Variants in NOS2 observed in about 807,000 individuals in gnomAD.
The protein encoded by NOS2 is nitric oxide synthase, inducible.
A neutral mutation model predicts 136.0 loss-of-function variants in NOS2; 96 were observed. The ratio of observed to expected loss-of-function variants is 0.71; its 90% CI spans 0.60 to 0.84. NOS2 has a LOEUF of 0.84. Among genes scored for constraint, NOS2 ranks in the 40% least tolerant of loss-of-function variants. NOS2 has a pLI of 0.00. For synonymous variants in NOS2, 539 were observed against 587.5 expected (o/e 0.92, Z 1.20); for missense variants, 1,237 against 1,496.9 (o/e 0.83, Z 2.87).
At chr17:27,797,398 G>A (rs1909385568) in intron 2 of NOS2, among the ~76,000 whole-genome samples, 1 of 152,222 alleles carries the variant, frequency 6.6e-6, no homozygotes, top group South Asian at 2.1e-4. Context: ...TCCAACTCCA[G>A]GAAATCACCA....
At chr17:27,798,199 T>C (rs1209200308) in intron 2 of NOS2, among the ~76,000 whole-genome samples, 1 of 152,176 alleles carries the variant, frequency 6.6e-6, no homozygotes, top group Admixed American at 6.5e-5. Flanking sequence ...GAGGTTAACT[T>C]ACCCTGCGTC....
chr17:27,775,572 A>G (rs28942968), intron 11 of NOS2, among the ~76,000 whole-genome samples: 3,877 of 152,316 alleles, frequency 0.025, 65 homozygotes, highest in Middle Eastern at 0.065. Context: ...ACTGCACTCC[A>G]GCCTGGGTGA....
chr17:27,768,038 C>T (rs1908365244), intron 17 of NOS2, among the ~76,000 whole-genome samples: 1 of 152,172 alleles, frequency 6.6e-6, no homozygotes, highest in Non-Finnish European at 1.5e-5. Flanking sequence ...GCTATTGCTA[C>T]TATTATAAAT....
At position 27,759,060 on chromosome 17, in the gene NOS2, T is replaced by C. The variant is rs769452096; in HGVS notation, c.3175A>G (p.Ile1059Val). The C allele has an allele frequency of 3.1e-6, 5 of 1,601,284 alleles. No homozygotes were observed. The highest frequency in any genetic ancestry group is 1.7e-5 in the Admixed American group (1 of 58,682). Residue 1059 changes from isoleucine to valine, a missense_variant, in exon 26 of 27, where the codon ATC (isoleucine) becomes GTC (valine). By Grantham distance (29) the Ile-to-Val change is conservative (BLOSUM62 3). Coordinates refer to ENST00000313735, the MANE Select transcript of NOS2 (RefSeq NM_000625.4). ...TCGCTGGCCAGCTGCTGCCGCAGGA[T>C]GTCCTGAACATAGACCTGAAACCAG... ...PGKPKVYVQDILRQQLASEVL... is the reference protein window; with the variant it reads ...PGKPKVYVQDVLRQQLASEVL...
At chr17:27,791,787 C>CAAA (rs1909200797) in intron 2 of NOS2, among the ~76,000 whole-genome samples, 37 of 113,628 alleles carry the variant, frequency 3.3e-4, no homozygotes, top group Admixed American at 2.9e-3. Flanking sequence ...CAAAACAAAA[C>CAAA]AAAACAAAAC....
intron 25 of NOS2, among the ~76,000 whole-genome samples, chr17:27,759,659 G>C (rs552337200): frequency 6.6e-6 from 1 of 152,138 alleles, no homozygotes; most frequent in African/African-American, 2.4e-5. Context: ...GGGGACAGAA[G>C]AGCCCCTCTG....
At chr17:27,763,078 T>TATTC (rs748094544) in intron 21 of NOS2, 73 bp from the exon 22 acceptor site, 48 of 971,794 alleles carry the variant, frequency 4.9e-5, no homozygotes, top group South Asian at 2.6e-4. Context: ...CACAACCCAG[T>TATTC]ATTCATTCAT....
In NOS2 at chr17:27,778,961, CACCCTGGGA is replaced by C; in HGVS notation, c.1091_1099del (p.Phe364_Gly366del). On this transcript the variant is annotated inframe_deletion, in exon 10 of 27. Coordinates refer to ENST00000313735, the MANE Select transcript of NOS2 (RefSeq NM_000625.4). Reference sequence around the variant, plus strand: ...GCCCATGTACCAGCCATTGAAGGGGCACCCTGGGAACTCCAGGCCGCCCACCTCAAGCAG... The same window carrying C: ...GCCCATGTACCAGCCATTGAAGGGGCACTCCAGGCCGCCCACCTCAAGCAG... 1.2e-6 allele frequency: 2 copies of C among 1,612,950 alleles called. No individual in the cohort carries two copies. Among genetic ancestry groups the C allele is most frequent in the Non-Finnish European group, 1.7e-6 (2 of 1,179,160 alleles).
At position 27,762,972 on chromosome 17, in the gene NOS2, T is replaced by C. The variant is rs1357395469; in HGVS notation, c.2626A>G (p.Ser876Gly). The C allele has an allele frequency of 8.1e-6, 13 of 1,605,372 alleles. No individual in the cohort carries two copies. The highest frequency in any genetic ancestry group is 9.4e-6 in the Non-Finnish European group (11 of 1,176,464). ...TCTAGCACCTCCAGGAATGTGGGGC[T>C]GTTGGTGAACTTCCACTTGCTGTAC... ...SEYSKWKFTNSPTFLEVLEEF... is the reference protein window; with the variant it reads ...SEYSKWKFTNGPTFLEVLEEF... The change falls in exon 22 of 27, where the codon AGC becomes GGC. Residue 876 changes from serine to glycine, a missense_variant. Transcript: ENST00000313735.
chr17:27,783,242 G>A (rs1447744482), intron 5 of NOS2, 136 bp from the exon 6 acceptor site: 10 of 946,936 alleles, frequency 1.1e-5, no homozygotes, highest in Non-Finnish European at 1.6e-5. Flanking sequence ...GCTCCCTCCA[G>A]GGCTGGCTTT....
intron 9 of NOS2, among the ~76,000 whole-genome samples, chr17:27,780,218 A>T (rs1908796652): frequency 6.6e-6 from 1 of 152,248 alleles, no homozygotes; most frequent in Admixed American, 6.5e-5. Context: ...GGGAACAGGG[A>T]GTACAAAGGC....
At chr17:27,765,251 G>A (rs1377556161) in intron 20 of NOS2, among the ~76,000 whole-genome samples, 1 of 152,244 alleles carries the variant, frequency 6.6e-6, no homozygotes, top group African/African-American at 2.4e-5. Context: ...GCCTCCCAAA[G>A]TGCTGAGATT....
chr17:27,791,795 A>T (rs1458456401), intron 2 of NOS2, among the ~76,000 whole-genome samples: 68 of 150,838 alleles, frequency 4.5e-4, no homozygotes, highest in African/African-American at 1.6e-3. Flanking sequence ...AACAAAACAA[A>T]ACAAAACAAA....
chr17:27,791,685 A>G (rs931200170), intron 2 of NOS2, among the ~76,000 whole-genome samples: 3 of 151,828 alleles, frequency 2.0e-5, no homozygotes, highest in Non-Finnish European at 4.4e-5. Context: ...GGTCCTAAAT[A>G]AAGACTTCCA....
intron 18 of NOS2, 62 bp from the exon 19 acceptor site, chr17:27,766,650 C>T: frequency 7.5e-7 from 1 of 1,329,348 alleles, no homozygotes; most frequent in Admixed American, 1.7e-5. Context: ...TAGGGGAAGC[C>T]CCCAGATGTC....
rs553732539 is a variant in NOS2, at chr17:27,757,239, T to C, written c.*7A>G. The C allele has an allele frequency of 2.5e-6, 4 of 1,612,364 alleles. No individual in the cohort carries two copies. The South Asian group carries it at 3.3e-5, about 13-fold the overall frequency. On this transcript the variant is annotated 3_prime_UTR_variant, in exon 27 of 27. Transcript: ENST00000313735. Reference sequence around the variant, plus strand: ...GTGCCGGCAGCTTTAACCCCTCCTGTAGGCCCTCAGAGCGCTGACATCTCC... The same window carrying C: ...GTGCCGGCAGCTTTAACCCCTCCTGCAGGCCCTCAGAGCGCTGACATCTCC...
At chr17:27,766,369 G>T in intron 19 of NOS2, 141 bp downstream of exon 19, 5 of 760,026 alleles carry the variant, frequency 6.6e-6, no homozygotes, top group African/African-American at 1.7e-5. Context: ...TACCAGGTGG[G>T]CCGGTCCTAC....
rs981209404 is a variant in NOS2 at position 27,787,807 on chromosome 17, T to C, written c.338A>G (p.Lys113Arg). Residue 113 changes from lysine (K) to arginine (R), a missense_variant, in exon 5 of 27, where the codon AAA becomes AGA. Lys to Arg is a conservative substitution (Grantham distance 26). This residue lies in a region of NOS2 where 440 missense variants were observed against 545.4 expected (regional missense o/e 0.81). Coordinates refer to ENST00000313735, the MANE Select transcript of NOS2 (RefSeq NM_000625.4). ...KAKGILTCRSKSCLGSIMTPK... is the reference protein window; with the variant it reads ...KAKGILTCRSRSCLGSIMTPK... ...AGTCATAATGGACCCCAGGCAAGAT[T>C]TGGACCTGCAAGTTAAAATCTGGAA... The C allele has an allele frequency of 8.1e-6, 13 of 1,611,616 alleles. 1 individual carries two copies. Among genetic ancestry groups the C allele is most frequent in the Non-Finnish European group, 7.6e-6 (9 of 1,178,962 alleles).
At chr17:27,784,673 C>A (rs1157006706) in intron 5 of NOS2, among the ~76,000 whole-genome samples, 1 of 152,040 alleles carries the variant, frequency 6.6e-6, no homozygotes, top group African/African-American at 2.4e-5. Context: ...TCTATGAGCT[C>A]TGAAAAAAAG....
Sources: allele counts gnomAD v4.1 joint callset (sites outside exome capture counted in the v4.1 genomes callset), GRCh38; gene constraint gnomAD v4.1.1; regional missense constraint gnomAD v4.1.1; transcripts MANE v1.5; gene names NCBI Gene and HGNC (gene_info 2026-07-23, HGNC 2026-07-21).